PRRC2B: variants seen among roughly 807,000 people sequenced by gnomAD.
PRRC2B encodes proline rich coiled-coil 2B, also known as protein PRRC2B.
In PRRC2B, 68 loss-of-function variants were observed where a neutral mutation model predicts 242.3. That is an observed-to-expected ratio of 0.28 (90% CI 0.23 to 0.34). The LOEUF (loss-of-function observed/expected upper bound fraction) is 0.34, where lower values mean the gene tolerates loss of function less well. Among genes scored for constraint, PRRC2B ranks in the 10% least tolerant of loss-of-function variants. The pLI, the probability that PRRC2B is intolerant of heterozygous loss-of-function variation, is 1.00. For synonymous variants in PRRC2B, 1,228 were observed against 1,173.6 expected (o/e 1.05, Z -0.95); for missense variants, 2,835 against 2,954.8 (o/e 0.96, Z 0.94).
At chr9:131,402,257 A>G (rs1349376506) in intron 1 of PRRC2B, among the ~76,000 whole-genome samples, 1 of 152,214 alleles carries the variant, frequency 6.6e-6, no homozygotes, top group African/African-American at 2.4e-5. Flanking sequence ...CATGGTGGCA[A>G]TGTTGAGCCA....
At chr9:131,463,519 G>A (rs914711830) in intron 11 of PRRC2B, among the ~76,000 whole-genome samples, 1 of 151,914 alleles carries the variant, frequency 6.6e-6, no homozygotes, top group African/African-American at 2.4e-5. Context: ...TGCCAGGTCT[G>A]CATGCTGCTT....
intron 1 of PRRC2B, among the ~76,000 whole-genome samples, chr9:131,376,874 G>C (rs1836692073): frequency 6.6e-6 from 1 of 152,120 alleles, no homozygotes; most frequent in South Asian, 2.1e-4. Flanking sequence ...AGGCATGGTG[G>C]TATGCACCTG....
chr9:131,397,917 C>G (rs1276791738), intron 1 of PRRC2B, among the ~76,000 whole-genome samples: 1 of 152,122 alleles, frequency 6.6e-6, no homozygotes, highest in African/African-American at 2.4e-5. Context: ...AAATAAATTT[C>G]ATGTAAGGAG....
chr9:131,395,279 TC>T lies in PRRC2B; in HGVS notation c.-52+1017del, dbSNP rs537097181. Among the ~76,000 whole-genome samples the T allele has an allele frequency of 1.8e-3, 274 of 152,232 alleles. 2 individuals carry two copies. The highest frequency in any genetic ancestry group is 6.2e-3 in the African/African-American group (259 of 41,534). ...TAAACTTTCCCTAAGATTTTTTTTT[TC>T]TTTAAGGTTTAGTGTGCATTTGATG... On this transcript the variant is annotated intron_variant, in intron 1 of 31. Coordinates refer to ENST00000683519, the MANE Select transcript of PRRC2B (RefSeq NM_013318.4).
intron 12 of PRRC2B, among the ~76,000 whole-genome samples, chr9:131,465,529 G>T (rs1478981414): frequency 6.6e-6 from 1 of 152,114 alleles, no homozygotes; most frequent in Admixed American, 6.5e-5. Flanking sequence ...TCCAGTTTCT[G>T]GGACATTGAA....
At chr9:131,414,260 TTAGG>T (rs1343657854) in intron 1 of PRRC2B, among the ~76,000 whole-genome samples, 6 of 150,854 alleles carry the variant, frequency 4.0e-5, no homozygotes, top group Non-Finnish European at 8.9e-5. Flanking sequence ...GAAATCAGTG[TTAGG>T]TAGATCATAG....
chr9:131,443,013 A>C (rs1053226228), intron 5 of PRRC2B, among the ~76,000 whole-genome samples: 1 of 151,700 alleles, frequency 6.6e-6, no homozygotes, highest in Non-Finnish European at 1.5e-5. Flanking sequence ...AAAATGCGGA[A>C]GGACAGGTGA....
rs1943681245 is a variant in PRRC2B at position 131,475,929 on chromosome 9, G to T, written c.3800G>T (p.Gly1267Val). 2.5e-6 allele frequency: 4 copies of T among 1,613,840 alleles called. No homozygotes were observed. Among genetic ancestry groups the T allele is most frequent in the African/African-American group, 1.3e-5 (1 of 74,942 alleles). ...PDSYRHPDAF[G>V]GRGFEDSRAE... ...TCCTACAGACACCCTGACGCATTTGGTGGCCGGGGCTTTGAGGACAGCCGC... is the reference window on the plus strand; with the variant it reads ...TCCTACAGACACCCTGACGCATTTGTTGGCCGGGGCTTTGAGGACAGCCGC... The change falls in exon 16 of 32, where the codon GGT becomes GTT. Residue 1267 changes from glycine (G) to valine (V), a missense_variant. Coordinates refer to ENST00000683519, the MANE Select transcript of PRRC2B (RefSeq NM_013318.4).
rs766053724 is a variant in PRRC2B, at chr9:131,475,264, G to A, written c.3135G>A (p.Lys1045=). The A allele has an allele frequency of 3.1e-6, 5 of 1,613,266 alleles. No homozygotes were observed. In the South Asian group the frequency reaches 5.5e-5, roughly 18 times the overall value. The change falls in exon 16 of 32, where the codon AAG becomes AAA. Residue 1045 remains lysine (K), a synonymous_variant. Coordinates refer to ENST00000683519, the MANE Select transcript of PRRC2B (RefSeq NM_013318.4). Reference sequence around the variant, plus strand: ...AGTCCAGCGATGTTCCCCCCATGAAGAGAAATAACTGGATCTTTATTGATG... The same window carrying A: ...AGTCCAGCGATGTTCCCCCCATGAAAAGAAATAACTGGATCTTTATTGATG... ...PRESSDVPPM[K]RNNWIFIDEE...
In PRRC2B at chr9:131,474,524, G is replaced by A; in HGVS notation, c.2395G>A (p.Glu799Lys). The change falls in exon 16 of 32, where the codon GAG (glutamate) becomes AAG (lysine). Residue 799 changes from glutamate to lysine, a missense_variant. Glu to Lys is a moderately conservative substitution (Grantham distance 56). Around this residue, in one of 7 missense-constraint regions of PRRC2B, gnomAD observed 1,536 missense variants for 1,483.1 expected, o/e 1.04. Transcript: ENST00000683519. Reference sequence around the variant, plus strand: ...AAGTGCTCAGCGCGATCTCTTTGAGGAGAGAGGGGAGGAGTACTTGAGTGC... The same window carrying A: ...AAGTGCTCAGCGCGATCTCTTTGAGAAGAGAGGGGAGGAGTACTTGAGTGC... ...GVSAQRDLFE[E>K]RGEEYLSAFD... The A allele has an allele frequency of 6.2e-7, 1 of 1,614,008 alleles. No individual in the cohort carries two copies. The highest frequency in any genetic ancestry group is 1.1e-5 in the South Asian group (1 of 91,082).
chr9:131,463,552 AG>A (rs1450222227), intron 11 of PRRC2B, among the ~76,000 whole-genome samples: 1 of 151,556 alleles, frequency 6.6e-6, no homozygotes, highest in Admixed American at 6.6e-5. Flanking sequence ...CCAGTAAGAA[AG>A]GGTCCCAGTA....
chr9:131,445,606 C>A (rs1180399206), intron 6 of PRRC2B, among the ~76,000 whole-genome samples: 2 of 152,138 alleles, frequency 1.3e-5, no homozygotes, highest in African/African-American at 4.8e-5. Context: ...AAAACATGGA[C>A]AGAGGGGTGA....
At position 131,496,192 on chromosome 9, in the gene PRRC2B, C is replaced by T. The variant is rs751777816; in HGVS notation, c.*318C>T. ...CCTCCCTGCCTCCTCCCTGTCCTGC[C>T]GCGCAGCCAGGGCGCCTTCTCAGCA... On this transcript the variant is annotated 3_prime_UTR_variant, in exon 32 of 32. Coordinates refer to ENST00000683519, the MANE Select transcript of PRRC2B (RefSeq NM_013318.4). 4 of 251,724 alleles carry T rather than the reference C, an allele frequency of 1.6e-5. No homozygotes were observed. Among genetic ancestry groups the T allele is most frequent in the African/African-American group, 6.6e-5 (3 of 45,358 alleles). 15.6% of individuals were successfully genotyped at this position (251,724 alleles called of 1,614,324 possible).
At chr9:131,376,651 A>T (rs1020894365) in intron 1 of PRRC2B, among the ~76,000 whole-genome samples, 6 of 152,142 alleles carry the variant, frequency 3.9e-5, no homozygotes, top group Admixed American at 1.3e-4. Flanking sequence ...CCAGGAGGTG[A>T]CGTTTCCAGA....
intron 5 of PRRC2B, among the ~76,000 whole-genome samples, chr9:131,443,058 C>T (rs1161417870): frequency 6.6e-6 from 1 of 152,134 alleles, no homozygotes; most frequent in Non-Finnish European, 1.5e-5. Flanking sequence ...ATCTAATTTC[C>T]ACCTGATCTT....
rs548876050 is a variant in PRRC2B at position 131,423,938 on chromosome 9, T to A, written c.-51-6156T>A. 8.0e-4 allele frequency among the ~76,000 whole-genome samples: 105 copies of A among 131,482 alleles called. 1 individual carries two copies. Among genetic ancestry groups the A allele is most frequent in the Middle Eastern group, 7.8e-3 (2 of 256 alleles). The allele number at this position is 131,482 out of a possible 152,430, so 86.3% of individuals were successfully genotyped here. ...TCCACAGTAAGCCATTTCTTTCTGC[T>A]ACGTTTTTTTTTTTTAGACAGATTT... On this transcript the variant is annotated intron_variant, in intron 1 of 31. Transcript: ENST00000683519.
rs57295236 is a variant in PRRC2B, at chr9:131,413,916, C to G, written c.-51-16178C>G. On this transcript the variant is annotated intron_variant, in intron 1 of 31. Coordinates refer to ENST00000683519, the MANE Select transcript of PRRC2B (RefSeq NM_013318.4). ...TGATCTCCTGACCTCATGATCCACC[C>G]GCCTCGGCCTCCCAAAGTGCTGGGA... is the stretch of plus-strand genomic sequence containing the variant. 1.9e-3 allele frequency among the ~76,000 whole-genome samples: 280 copies of G among 150,354 alleles called. 1 individual carries two copies. Among genetic ancestry groups the G allele is most frequent in the African/African-American group, 6.5e-3 (267 of 40,932 alleles).
At chr9:131,415,440 G>C (rs1837622448) in intron 1 of PRRC2B, among the ~76,000 whole-genome samples, 1 of 152,240 alleles carries the variant, frequency 6.6e-6, no homozygotes, top group Non-Finnish European at 1.5e-5. Context: ...TGGGGCTGGG[G>C]CTGGGTCAGC....
At chr9:131,431,025 A>G (rs1374667810) in intron 2 of PRRC2B, among the ~76,000 whole-genome samples, 4 of 149,892 alleles carry the variant, frequency 2.7e-5, no homozygotes, top group African/African-American at 9.9e-5. Flanking sequence ...ATCTCAGCTC[A>G]GTGCAACCTT....
Sources: gnomAD v4.1 joint callset for allele counts (sites outside exome capture counted in the v4.1 genomes callset) on GRCh38, gnomAD v4.1.1 for gene constraint, gnomAD v4.1.1 regional missense constraint, MANE v1.5 for transcripts, NCBI Gene and HGNC (gene_info 2026-07-23, HGNC 2026-07-21) for gene names.